Variants in DCLRE1C observed in about 807,000 individuals in gnomAD.
The protein encoded by DCLRE1C is DNA cross-link repair 1C, also known as protein artemis.
Under a neutral mutation model 61.4 loss-of-function variants are expected in DCLRE1C, and 47 were observed. That is an observed-to-expected ratio of 0.77 (90% confidence interval 0.61 to 0.98). The LOEUF (loss-of-function observed/expected upper bound fraction) is 0.98, where lower values mean the gene tolerates loss of function less well. DCLRE1C is among the 50% of genes least tolerant of loss of function. DCLRE1C has a pLI of 0.00. For synonymous variants in DCLRE1C, 337 were observed against 287.6 expected, an observed-to-expected ratio of 1.17 and a Z score of -1.74; for missense variants, 858 against 816.0, an observed-to-expected ratio of 1.05 and a Z score of -0.63.
chr10:14,928,172 T>C lies in DCLRE1C; in HGVS notation c.781-20A>G, dbSNP rs1011602830. On this transcript the variant is annotated intron_variant, in intron 9 of 13. Transcript: ENST00000378278. Reference sequence around the variant, plus strand: ...CTCTGCCTAAAAAAGATAAAAAGCATAGAAAAACAGTTCTACATTTTCTAC... The same window carrying C: ...CTCTGCCTAAAAAAGATAAAAAGCACAGAAAAACAGTTCTACATTTTCTAC... 21 of 1,610,308 alleles carry C rather than the reference T, an allele frequency of 1.3e-5. No homozygotes were observed. Among genetic ancestry groups the C allele is most frequent in the Non-Finnish European group, 1.8e-5 (21 of 1,177,532 alleles).
intron 11 of DCLRE1C, among the ~76,000 whole-genome samples, chr10:14,925,129 C>A (rs1837741910): frequency 6.8e-6 from 1 of 146,968 alleles, no homozygotes; most frequent in South Asian, 2.1e-4. Flanking sequence ...AGGAGGCATG[C>A]AAATAGAAAT....
Position 14,928,091 on chromosome 10 carries a change from G to A in DCLRE1C, c.842C>T (p.Pro281Leu), listed in dbSNP as rs1460966068. 1.2e-6 allele frequency: 2 copies of A among 1,613,500 alleles called. No individual in the cohort carries two copies. Among genetic ancestry groups the A allele is most frequent in the Non-Finnish European group, 1.7e-6 (2 of 1,179,644 alleles). ...TGGCTTAATGCTGATTATGTGGAGT[G>A]GAATTCTATTTCTGGAAGTAATTCC... ...PCGITSRNRI[P>L]LHIISIKPST... The change falls in exon 10 of 14, where the codon CCA becomes CTA. Residue 281 changes from proline to leucine, a missense_variant. Physicochemically the swap from Pro to Leu is moderately conservative, Grantham distance 98. Coordinates refer to ENST00000378278, the MANE Select transcript of DCLRE1C (RefSeq NM_001033855.3).
chr10:14,935,954 G>A (rs1803090168), intron 5 of DCLRE1C, among the ~76,000 whole-genome samples: 1 of 152,130 alleles, frequency 6.6e-6, no homozygotes, highest in South Asian at 2.1e-4. Context: ...TGTCCCCCAG[G>A]CTGCAAGGCA....
chr10:14,950,954 C>CG (rs761231062), intron 1 of DCLRE1C, among the ~76,000 whole-genome samples: 1 of 152,180 alleles, frequency 6.6e-6, no homozygotes, highest in Non-Finnish European at 1.5e-5. Flanking sequence ...TCTCAGGGGT[C>CG]GGGGGGCCCT....
At chr10:14,902,382 A>T, downstream of DCLRE1C, 1 of 1,479,194 alleles carries the variant, frequency 6.8e-7, no homozygotes, top group African/African-American at 1.4e-5. Flanking sequence ...TCTTTCTCCT[A>T]TATTTCTTTT....
In DCLRE1C at chr10:14,899,456, G is replaced by A. The variant is rs150887083; in HGVS notation, c.1157-144C>T. ...TTTCTTACTTTTTAAATATTTGTAGGTATTCGCATATTAGTAGATAGGTAG... is the reference window on the plus strand; with the variant it reads ...TTTCTTACTTTTTAAATATTTGTAGATATTCGCATATTAGTAGATAGGTAG... On this transcript the variant is annotated intron_variant, in intron 13 of 13. Coordinates refer to the DCLRE1C transcript ENST00000378289. The A allele has an allele frequency of 2.8e-6, 4 of 1,404,648 alleles. No homozygotes were observed. In the Admixed American group the frequency reaches 5.7e-5, roughly 20 times the overall value. The allele number at this position is 1,404,648 out of a possible 1,614,324, so 87.0% of individuals were successfully genotyped here.
chr10:14,915,727 T>C (rs907391574), intron 13 of DCLRE1C, among the ~76,000 whole-genome samples: 1 of 151,126 alleles, frequency 6.6e-6, no homozygotes, highest in Non-Finnish European at 1.5e-5. Flanking sequence ...AAGAAAGATA[T>C]AATGCCAATC....
chr10:14,930,101 A>G (rs1838713532), intron 9 of DCLRE1C, among the ~76,000 whole-genome samples: 1 of 152,048 alleles, frequency 6.6e-6, no homozygotes, highest in East Asian at 1.9e-4. Flanking sequence ...AAAAAGGGAC[A>G]AAAAGGTGTA....
In DCLRE1C at chr10:14,920,523, A is replaced by T. The variant is rs534043513; in HGVS notation, c.1062-691T>A. The T allele has an allele frequency of 1.6e-3, 972 of 598,456 alleles. 6 individuals are homozygous for T. The African/African-American group carries it at 0.018, about 11-fold the overall frequency. 37.1% of individuals were successfully genotyped at this position (598,456 alleles called of 1,614,324 possible). On this transcript the variant is annotated intron_variant, in intron 12 of 13. Coordinates refer to ENST00000378278, the MANE Select transcript of DCLRE1C (RefSeq NM_001033855.3). ...ACAGCCACCCCCATTTTACGTCCTC[A>T]CCCCTGTTCCCACAGCTGTTCTCTG...
chr10:14,900,619 G>C (rs1319965872), downstream of DCLRE1C, among the ~76,000 whole-genome samples: 1 of 152,022 alleles, frequency 6.6e-6, no homozygotes, highest in African/African-American at 2.4e-5. Flanking sequence ...CTTTTTTCTT[G>C]CATATTCCGT....
At position 14,908,923 on chromosome 10, in the gene DCLRE1C, A is replaced by C. The variant is rs138799247; in HGVS notation, c.1564T>G (p.Phe522Val). 5.0e-6 allele frequency: 8 copies of C among 1,614,070 alleles called. No homozygotes were observed. The African/African-American group carries it at 1.1e-4, about 22-fold the overall frequency. ...GTTGATTCTCCATCAGAGTCACTGA[A>C]AAGCTTTGGTGACTGAGATCCCCCT... ...VAGGSQSPKLFSDSDGESTHI... is the reference protein window; with the variant it reads ...VAGGSQSPKLVSDSDGESTHI... The change falls in exon 14 of 14, where the codon TTC becomes GTC. Residue 522 changes from phenylalanine (F) to valine (V), a missense_variant. Physicochemically the swap from Phe to Val is conservative, Grantham distance 50. Transcript: ENST00000378278.
In DCLRE1C at chr10:14,953,916, G is replaced by A. The variant is rs969498121; in HGVS notation, c.95C>T (p.Ser32Phe). 3 of 1,614,024 alleles carry A rather than the reference G, an allele frequency of 1.9e-6. No individual in the cohort carries two copies. The highest frequency in any genetic ancestry group is 1.7e-6 in the Non-Finnish European group (2 of 1,179,932). The change falls in exon 1 of 14, where the codon TCC (serine) becomes TTC (phenylalanine). Residue 32 changes from serine (S) to phenylalanine (F), a missense_variant. Physicochemically the swap from Ser to Phe is radical, Grantham distance 155. This residue lies in a region of DCLRE1C where 843 missense variants were observed against 783.5 expected (regional missense o/e 1.08). Transcript: ENST00000378278. Reference sequence around the variant, plus strand: ...CCCTCACTCACCTTTGTGGCAGTGGGACAGGAAGTAGGCGCGGGCCCTCAG... The same window carrying A: ...CCCTCACTCACCTTTGTGGCAGTGGAACAGGAAGTAGGCGCGGGCCCTCAG... ...ENLRARAYFL[S>F]HCHKDHMKGL...
Position 14,907,419 on chromosome 10 carries a change from CAATTT to C in DCLRE1C, c.*984_*988del, listed in dbSNP as rs1834502211. Among the ~76,000 whole-genome samples the C allele has an allele frequency of 1.3e-5, 2 of 151,624 alleles. No individual in the cohort carries two copies. The highest frequency in any genetic ancestry group is 6.6e-5 in the Admixed American group (1 of 15,194). On this transcript the variant is annotated 3_prime_UTR_variant, in exon 14 of 14. Transcript: ENST00000378278. ...TTGGGGTGGTGTGTTCTATAAATGT[CAATTT>C]AATCCAGTCGGCTTATGATTTTCAG...
intron 13 of DCLRE1C, among the ~76,000 whole-genome samples, chr10:14,917,932 T>G (rs1225999189): frequency 6.6e-6 from 1 of 152,184 alleles, no homozygotes; most frequent in East Asian, 1.9e-4. Flanking sequence ...TGCTAGTCAT[T>G]AGAGAAATGC....
chr10:14,918,119 C>G (rs546167235), intron 13 of DCLRE1C, among the ~76,000 whole-genome samples: 1 of 152,326 alleles, frequency 6.6e-6, no homozygotes, highest in South Asian at 2.1e-4. Context: ...CTTAAAGATA[C>G]AGCTACCATA....
chr10:14,948,770 T>TATATATATATATATATATATATATA (rs1554800030), intron 2 of DCLRE1C, among the ~76,000 whole-genome samples: 180 of 143,610 alleles, frequency 1.3e-3, no homozygotes, highest in African/African-American at 4.6e-3. Flanking sequence ...TTTGGTAGGA[T>TATATATATATATATATATATATATA]TATATATATA....
intron 11 of DCLRE1C, among the ~76,000 whole-genome samples, chr10:14,924,682 A>T (rs1230973841): frequency 6.6e-6 from 1 of 151,964 alleles, no homozygotes; most frequent in Non-Finnish European, 1.5e-5. Context: ...CCCCGTCTCT[A>T]CTAAAAATAC....
intron 11 of DCLRE1C, among the ~76,000 whole-genome samples, chr10:14,925,103 T>C (rs1837739303): frequency 6.6e-6 from 1 of 151,738 alleles, no homozygotes; most frequent in Non-Finnish European, 1.5e-5. Context: ...ACAAACAGTA[T>C]CTTTTGTACC....
At chr10:14,930,856 A>C (rs1283010205) in intron 9 of DCLRE1C, among the ~76,000 whole-genome samples, 2 of 152,238 alleles carry the variant, frequency 1.3e-5, no homozygotes, top group Non-Finnish European at 2.9e-5. Context: ...TAAATCCCTG[A>C]ATGCAACATA....
Sources: gnomAD v4.1 joint callset for allele counts (sites outside exome capture counted in the v4.1 genomes callset) on GRCh38, gnomAD v4.1.1 for gene constraint, gnomAD v4.1.1 regional missense constraint, MANE v1.5 for transcripts, NCBI Gene and HGNC (gene_info 2026-07-23, HGNC 2026-07-21) for gene names.